The following MTSS1 variants were observed in gnomAD, a reference collection of about 807,000 sequenced individuals.
MTSS1 encodes the protein MTSS I-BAR domain containing 1.
In MTSS1, 18 loss-of-function variants were observed where a neutral mutation model predicts 79.0. The observed-to-expected ratio is 0.23, with a 90% CI of 0.16 to 0.34. The LOEUF (loss-of-function observed/expected upper bound fraction) is 0.34. Ranked by LOEUF, MTSS1 falls within the 10% of genes least tolerant of loss-of-function variation. The pLI is 1.00. For missense variants in MTSS1, 815 were observed against 986.2 expected, an observed-to-expected ratio of 0.83 and a Z score of 2.33; for synonymous variants, 341 against 368.6, an observed-to-expected ratio of 0.93 and a Z score of 0.86.
At position 124,562,900 on chromosome 8, in the gene MTSS1, A is replaced by G. The variant is rs1825645051; in HGVS notation, c.917T>C (p.Leu306Pro). 1 of 1,613,918 alleles carries G rather than the reference A, an allele frequency of 6.2e-7. No individual in the cohort carries two copies. The highest frequency in any genetic ancestry group is 1.1e-5 in the South Asian group (1 of 91,066). Residue 306 changes from leucine (L) to proline (P), a missense_variant, in exon 10 of 14, where the codon CTG (leucine) becomes CCG (proline). Leu to Pro is a moderately conservative substitution (Grantham distance 98, BLOSUM62 -3). Coordinates refer to ENST00000518547, the MANE Select transcript of MTSS1 (RefSeq NM_014751.6). ...CAGCCTCACAGGAGCCTGCTGGGCC[A>G]GGTTGGAGCTGCGGTAGCGGTAATG... is the stretch of plus-strand genomic sequence containing the variant. ...SSHYRYRSSN[L>P]AQQAPVRLSS... is the part of the protein sequence containing the mutation.
At chr8:124,651,386 C>T (rs1486465279) in intron 3 of MTSS1, among the ~76,000 whole-genome samples, 183 of 150,754 alleles carry the variant, frequency 1.2e-3, no homozygotes, top group African/African-American at 4.4e-3. Flanking sequence ...ACACACAGCA[C>T]AATCATATAA....
chr8:124,698,912 T>C (rs1309244324), intron 3 of MTSS1, among the ~76,000 whole-genome samples: 1 of 152,222 alleles, frequency 6.6e-6, no homozygotes, highest in South Asian at 2.1e-4. Flanking sequence ...TTTTATATGA[T>C]TCAGTACTTG....
chr8:124,576,951 C>G (rs566217884), intron 6 of MTSS1, among the ~76,000 whole-genome samples: 1 of 152,376 alleles, frequency 6.6e-6, no homozygotes, highest in Admixed American at 6.5e-5. Flanking sequence ...TACCTCTACC[C>G]TGCCCCTGAA....
intron 3 of MTSS1, among the ~76,000 whole-genome samples, chr8:124,594,483 C>G (rs1442626939): frequency 1.3e-5 from 2 of 152,124 alleles, no homozygotes; most frequent in Non-Finnish European, 2.9e-5. Flanking sequence ...TGAGCTGAGA[C>G]TGCGCCACTG....
chr8:124,607,466 TA>T (rs1835069895), intron 3 of MTSS1, among the ~76,000 whole-genome samples: 1 of 152,234 alleles, frequency 6.6e-6, no homozygotes, highest in Non-Finnish European at 1.5e-5. Flanking sequence ...GTTTCTGATC[TA>T]AACAGAGTTT....
At chr8:124,636,049 C>G (rs1247957319) in intron 3 of MTSS1, among the ~76,000 whole-genome samples, 4 of 152,136 alleles carry the variant, frequency 2.6e-5, no homozygotes, top group African/African-American at 9.7e-5. Context: ...ATTCGACAGG[C>G]TCCTTAGGCT....
intron 1 of MTSS1, among the ~76,000 whole-genome samples, chr8:124,716,721 A>C (rs1015727256): frequency 1.3e-5 from 2 of 152,136 alleles, no homozygotes; most frequent in African/African-American, 4.8e-5. Context: ...TGCACTAGAT[A>C]AGATGCCACA....
At chr8:124,668,775 C>G (rs537057682) in intron 3 of MTSS1, among the ~76,000 whole-genome samples, 2 of 152,308 alleles carry the variant, frequency 1.3e-5, no homozygotes, top group South Asian at 2.1e-4. Context: ...GCTATATCGA[C>G]AGGATCTCAC....
intron 6 of MTSS1, among the ~76,000 whole-genome samples, chr8:124,573,731 A>G (rs547918928): frequency 2.0e-5 from 3 of 152,212 alleles, no homozygotes; most frequent in Admixed American, 6.5e-5. Context: ...GGCTTCCCAG[A>G]CAAAATTCTT....
chr8:124,626,516 G>T (rs1277535438), intron 3 of MTSS1, among the ~76,000 whole-genome samples: 1 of 152,028 alleles, frequency 6.6e-6, no homozygotes, highest in Non-Finnish European at 1.5e-5. Context: ...AGTCAAAGTA[G>T]CTCCAGTCAA....
At position 124,562,915 on chromosome 8, in the gene MTSS1, T is replaced by C; in HGVS notation, c.902A>G (p.Tyr301Cys). Residue 301 changes from tyrosine (Y) to cysteine (C), a missense_variant, in exon 10 of 14, where the codon TAC becomes TGC. Tyr to Cys is a radical substitution (Grantham distance 194, BLOSUM62 -2). Transcript: ENST00000518547. ...HSHSPSSHYRYRSSNLAQQAP... is the reference protein window; with the variant it reads ...HSHSPSSHYRCRSSNLAQQAP... ...CTGCTGGGCCAGGTTGGAGCTGCGGTAGCGGTAATGTGAGCTGGGGGAATG... is the reference window on the plus strand; with the variant it reads ...CTGCTGGGCCAGGTTGGAGCTGCGGCAGCGGTAATGTGAGCTGGGGGAATG... The C allele has an allele frequency of 6.2e-7, 1 of 1,613,918 alleles. No homozygotes were observed. Among genetic ancestry groups the C allele is most frequent in the Non-Finnish European group, 8.5e-7 (1 of 1,179,896 alleles).
chr8:124,638,104 T>C (rs909420868), intron 3 of MTSS1, among the ~76,000 whole-genome samples: 3 of 152,254 alleles, frequency 2.0e-5, no homozygotes, highest in African/African-American at 7.2e-5. Context: ...AATTCTGTTA[T>C]TCCTGGATCT....
intron 7 of MTSS1, chr8:124,567,850 C>A (rs753307933): frequency 6.1e-6 from 9 of 1,480,568 alleles, no homozygotes; most frequent in Non-Finnish European, 8.0e-6. Flanking sequence ...GCTTCCAGAA[C>A]GCCTGCAGTG....
intron 10 of MTSS1, 127 bp from the exon 11 acceptor site, chr8:124,558,002 A>C: frequency 2.3e-5 from 16 of 707,246 alleles, no homozygotes; most frequent in Non-Finnish European, 3.2e-5. Flanking sequence ...TAAAACAAAC[A>C]TTGGGGCTCT....
At chr8:124,672,418 C>T (rs916046982) in intron 3 of MTSS1, among the ~76,000 whole-genome samples, 2 of 150,712 alleles carry the variant, frequency 1.3e-5, no homozygotes, top group Non-Finnish European at 1.5e-5. Flanking sequence ...CGCTTGAACC[C>T]GGGAGATGGA....
At chr8:124,621,604 G>A (rs1202237698) in intron 3 of MTSS1, among the ~76,000 whole-genome samples, 2 of 152,284 alleles carry the variant, frequency 1.3e-5, no homozygotes, top group South Asian at 2.1e-4. Context: ...CAGTGCAGTG[G>A]CGCCATCTCG....
At chr8:124,606,371 A>C (rs1257536131) in intron 3 of MTSS1, among the ~76,000 whole-genome samples, 2 of 149,316 alleles carry the variant, frequency 1.3e-5, no homozygotes, top group African/African-American at 4.9e-5. Context: ...CTGGTCTCAA[A>C]CTCATGATCT....
intron 8 of MTSS1, 131 bp downstream of exon 8, chr8:124,566,940 A>G (rs2132056884): frequency 1.4e-6 from 1 of 689,722 alleles, no homozygotes; most frequent in East Asian, 2.6e-5. Flanking sequence ...GTGATTTCAT[A>G]TATTACATCA....
rs1832978903 is a variant in MTSS1 at position 124,597,538 on chromosome 8, A to AC, written c.209-6304dup. On this transcript the variant is annotated intron_variant, in intron 3 of 13. Coordinates refer to ENST00000518547, the MANE Select transcript of MTSS1 (RefSeq NM_014751.6). This position sits in a 1 kb window ranked among gnomAD's most constrained non-coding sequence, Gnocchi z 4.6. ...CAGAGACCTGGCAGCGACAGGCAGG[A>AC]CGGTGGGTCCTTCGAGTGGCATTGT... Among the ~76,000 whole-genome samples, 1 of 152,244 alleles carries AC rather than the reference A, an allele frequency of 6.6e-6. No homozygotes were observed. The highest frequency in any genetic ancestry group is 2.1e-4 in the South Asian group (1 of 4,828).
Sources: allele counts gnomAD v4.1 joint callset (sites outside exome capture counted in the v4.1 genomes callset), GRCh38; gene constraint gnomAD v4.1.1; non-coding constraint Gnocchi (gnomAD v3.1); transcripts MANE v1.5; gene names NCBI Gene and HGNC (gene_info 2026-07-23, HGNC 2026-07-21).